The following NFIL3 variants were observed in gnomAD, a reference collection of about 807,000 sequenced individuals.
NFIL3 encodes nuclear factor interleukin-3-regulated protein.
A neutral mutation model predicts 10.0 loss-of-function variants in NFIL3; 5 were observed. The ratio of observed to expected loss-of-function variants is 0.50; its 90% confidence interval spans 0.26 to 1.06. The LOEUF is 1.06. NFIL3 is among the 50% of genes least tolerant of loss of function. The pLI is 0.13. For synonymous variants in NFIL3, 202 were observed against 206.5 expected (o/e 0.98, Z 0.19); for missense variants, 436 against 547.6 (o/e 0.80, Z 2.03).
In NFIL3 at chr9:91,409,575, T is replaced by G; in HGVS notation, c.1160A>C (p.Asn387Thr). The change falls in exon 2 of 2, where the codon AAC becomes ACC. Residue 387 changes from asparagine (N) to threonine (T), a missense_variant. This residue lies in a region of NFIL3 where 338 missense variants were observed against 399.9 expected (regional missense o/e 0.85). Coordinates refer to ENST00000297689, the MANE Select transcript of NFIL3 (RefSeq NM_005384.3). Reference sequence around the variant, plus strand: ...CGATTTGAGAGACCAATCTTGAATGTTAGTCACTTGCACTGAGAAAGGAGT... The same window carrying G: ...CGATTTGAGAGACCAATCTTGAATGGTAGTCACTTGCACTGAGAAAGGAGT... Reference protein sequence around the residue: ...SLTPFSVQVTNIQDWSLKSEH... With the variant: ...SLTPFSVQVTTIQDWSLKSEH... 1 of 1,614,210 alleles carries G rather than the reference T, an allele frequency of 6.2e-7. No individual in the cohort carries two copies. The highest frequency in any genetic ancestry group is 8.5e-7 in the Non-Finnish European group (1 of 1,180,012).
the NFIL3 span, among the ~76,000 whole-genome samples, chr9:91,482,704 G>A: frequency 4.6e-5 from 7 of 152,132 alleles, no homozygotes; most frequent in East Asian, 1.4e-3. Flanking sequence ...ATTTTGCCAT[G>A]TTGTTCAGGC....
chr9:91,471,520 A>G, the NFIL3 span, among the ~76,000 whole-genome samples: 30 of 124,622 alleles, frequency 2.4e-4, no homozygotes, highest in African/African-American at 8.7e-4. Flanking sequence ...TTAAAATTTT[A>G]TTATTATTAT....
chr9:91,460,994 G>T, the NFIL3 span, among the ~76,000 whole-genome samples: 1 of 152,180 alleles, frequency 6.6e-6, no homozygotes. Flanking sequence ...CATAAGCAAT[G>T]AGTAAGACGC....
the NFIL3 span, among the ~76,000 whole-genome samples, chr9:91,431,221 T>C: frequency 3.9e-5 from 6 of 152,206 alleles, no homozygotes; most frequent in African/African-American, 9.6e-5. Flanking sequence ...AAATGCTTTT[T>C]TTCCCCCAAA....
At chr9:91,434,236 C>A in the NFIL3 span, among the ~76,000 whole-genome samples, 1 of 152,134 alleles carries the variant, frequency 6.6e-6, no homozygotes, top group Non-Finnish European at 1.5e-5. Flanking sequence ...ACAACACAGG[C>A]TCTCATGAGT....
chr9:91,459,893 G>A, the NFIL3 span, among the ~76,000 whole-genome samples: 4 of 152,070 alleles, frequency 2.6e-5, no homozygotes, highest in Non-Finnish European at 4.4e-5. Flanking sequence ...GAGACATACC[G>A]TAGAGTCTTT....
intron 1 of NFIL3, among the ~76,000 whole-genome samples, chr9:91,422,610 T>C (rs1479701147): frequency 6.6e-6 from 1 of 152,212 alleles, no homozygotes; most frequent in African/African-American, 2.4e-5. Flanking sequence ...ATGCAACATT[T>C]CCAGGAAACT....
chr9:91,460,292 T>TTTTTTTTTTTTTTTTTTTTTTTTTG, the NFIL3 span, among the ~76,000 whole-genome samples: 1 of 142,454 alleles, frequency 7.0e-6, no homozygotes. Flanking sequence ...TTTTTTTTTT[T>TTTTTTTTTTTTTTTTTTTTTTTTTG]GAGATGGAGT....
At chr9:91,447,933 G>A in the NFIL3 span, among the ~76,000 whole-genome samples, 1 of 152,166 alleles carries the variant, frequency 6.6e-6, no homozygotes, top group Admixed American at 6.5e-5. Flanking sequence ...TGAAGATCAT[G>A]TCTATTCTTT....
At chr9:91,481,586 T>G in the NFIL3 span, among the ~76,000 whole-genome samples, 20 of 152,200 alleles carry the variant, frequency 1.3e-4, no homozygotes, top group Non-Finnish European at 2.4e-4. Flanking sequence ...GTGCTTGTAA[T>G]TGATACTTTC....
At chr9:91,440,346 C>T in the NFIL3 span, among the ~76,000 whole-genome samples, 10 of 151,848 alleles carry the variant, frequency 6.6e-5, no homozygotes, top group African/African-American at 1.9e-4. Context: ...TTGAGGCATC[C>T]GTGTAATATC....
intron 1 of NFIL3, among the ~76,000 whole-genome samples, chr9:91,421,873 A>G (rs1833777251): frequency 6.6e-6 from 1 of 152,252 alleles, no homozygotes; most frequent in East Asian, 1.9e-4. Flanking sequence ...CCCATCATAT[A>G]CATATATTCA....
the NFIL3 span, among the ~76,000 whole-genome samples, chr9:91,467,664 C>A: frequency 6.6e-6 from 1 of 152,128 alleles, no homozygotes; most frequent in South Asian, 2.1e-4. Context: ...TTAGGTATTT[C>A]TCTTAATGCT....
intron 1 of NFIL3, among the ~76,000 whole-genome samples, chr9:91,421,821 A>T (rs891681251): frequency 6.6e-6 from 1 of 152,236 alleles, no homozygotes; most frequent in African/African-American, 2.4e-5. Flanking sequence ...TCCCACAAAA[A>T]AAAACCCTGC....
chr9:91,472,714 A>C, the NFIL3 span, among the ~76,000 whole-genome samples: 1 of 152,190 alleles, frequency 6.6e-6, no homozygotes, highest in Non-Finnish European at 1.5e-5. Context: ...TCAGCTCATC[A>C]AAGTCATTCT....
upstream of NFIL3, among the ~76,000 whole-genome samples, chr9:91,425,641 C>T (rs1290918471): frequency 6.6e-6 from 1 of 152,228 alleles, no homozygotes; most frequent in African/African-American, 2.4e-5. Context: ...TTCCACTTTT[C>T]TCATACATAT....
chr9:91,410,303 A>G lies in NFIL3; in HGVS notation c.432T>C (p.Ser144=). Residue 144 remains serine (S), a synonymous_variant, in exon 2 of 2, where the codon TCT becomes TCC. Transcript: ENST00000297689. This position sits in a 1 kb window ranked among gnomAD's most constrained non-coding sequence, Gnocchi z 5.7. ...GGTAATCTTGAAAGTACACAGCTGT[A>G]GAATTACTGAGTTTCTGAATCTCTT... is the stretch of plus-strand genomic sequence containing the variant. ...YAQEIQKLSN[S]TAVYFQDYQT... is the part of the protein sequence containing the mutation. The G allele has an allele frequency of 6.2e-7, 1 of 1,614,230 alleles. No homozygotes were observed. The highest frequency in any genetic ancestry group is 8.5e-7 in the Non-Finnish European group (1 of 1,180,036).
At chr9:91,457,321 T>G in the NFIL3 span, among the ~76,000 whole-genome samples, 1 of 152,054 alleles carries the variant, frequency 6.6e-6, no homozygotes, top group Non-Finnish European at 1.5e-5. Context: ...GATTTGCCAT[T>G]TTAATAATAT....
At chr9:91,475,803 G>T in the NFIL3 span, among the ~76,000 whole-genome samples, 1 of 152,166 alleles carries the variant, frequency 6.6e-6, no homozygotes, top group Non-Finnish European at 1.5e-5. Flanking sequence ...CCATAAATAC[G>T]ATAATATAGA....
Sources: gnomAD v4.1 joint callset for allele counts (sites outside exome capture counted in the v4.1 genomes callset) on GRCh38, gnomAD v4.1.1 for gene constraint, gnomAD v4.1.1 regional missense constraint, Gnocchi (gnomAD v3.1) non-coding constraint, MANE v1.5 for transcripts, NCBI Gene and HGNC (gene_info 2026-07-23, HGNC 2026-07-21) for gene names.